YIPF2: variants seen among roughly 807,000 people sequenced by gnomAD.
The protein encoded by YIPF2 is Yip1 domain family member 2, also known as protein YIPF2.
In YIPF2, 30 loss-of-function variants were observed where a neutral mutation model predicts 38.8. The ratio of observed to expected loss-of-function variants is 0.77; its 90% CI spans 0.58 to 1.05. The LOEUF (loss-of-function observed/expected upper bound fraction) is 1.05. YIPF2 is among the 50% of genes least tolerant of loss of function. The pLI is 0.00. For synonymous variants in YIPF2, 194 were observed against 183.8 expected, an observed-to-expected ratio of 1.06 and a Z score of -0.45; for missense variants, 401 against 409.7, an observed-to-expected ratio of 0.98 and a Z score of 0.18.
At chr19:10,926,589 C>T (rs528579004) in intron 4 of YIPF2, among the ~76,000 whole-genome samples, 72 of 152,136 alleles carry the variant, frequency 4.7e-4, no homozygotes, top group Middle Eastern at 6.8e-3. Context: ...TGCAGTGGCA[C>T]GATCTTGGCT....
Position 10,925,753 on chromosome 19 carries a change from G to A in YIPF2, c.300C>T (p.Gly100=), listed in dbSNP as rs1323896919. The A allele has an allele frequency of 6.2e-7, 1 of 1,613,734 alleles. No homozygotes were observed. Among genetic ancestry groups the A allele is most frequent in the African/African-American group, 1.3e-5 (1 of 74,930 alleles). ...TGTGGCCAGGCCGGGGCAGCAGTGA[G>A]CCTTTGATCCGGTCCAGGACCTGGG... The part of the protein sequence containing the change: ...DTSQVLDRIK[G]SLLPRPGHNF... Residue 100 remains glycine (G), a synonymous_variant, in exon 5 of 10, where the codon GGC becomes GGT. Transcript: ENST00000586748.
At chr19:10,927,602 C>T in intron 4 of YIPF2, 28 bp downstream of exon 4, 2 of 1,611,108 alleles carry the variant, frequency 1.2e-6, no homozygotes, top group African/African-American at 1.3e-5. Context: ...AACTCTGAGC[C>T]CCATCCCACC....
Position 10,928,495 on chromosome 19 carries a change from C to T in YIPF2, c.-31+16G>A. On this transcript the variant is annotated intron_variant, in intron 1 of 9. Transcript: ENST00000586748. ...CCCCCCCGCCCCCGAGCCGGTCCCT[C>T]GGCCCCCAGCCCTACCTGGCGACCA... The T allele has an allele frequency of 7.4e-7, 1 of 1,344,468 alleles. No homozygotes were observed. Among genetic ancestry groups the T allele is most frequent in the Non-Finnish European group, 9.6e-7 (1 of 1,044,320 alleles). The allele number at this position is 1,344,468 out of a possible 1,614,324, so 83.3% of individuals were successfully genotyped here.
intron 4 of YIPF2, 95 bp from the exon 5 acceptor site, chr19:10,925,868 T>C (rs2083415165): frequency 4.3e-6 from 5 of 1,165,290 alleles, no homozygotes; most frequent in South Asian, 2.8e-5. Context: ...CCCTTCTCTT[T>C]CCATGCCCCA....
intron 2 of YIPF2, 89 bp from the exon 3 acceptor site, chr19:10,928,048 C>T: frequency 2.0e-6 from 3 of 1,520,436 alleles, no homozygotes; most frequent in Non-Finnish European, 2.7e-6. Flanking sequence ...CATCTGGGGG[C>T]GGAGGCTCTG....
chr19:10,924,990 A>G (rs1007596661), intron 5 of YIPF2, among the ~76,000 whole-genome samples: 5 of 151,938 alleles, frequency 3.3e-5, no homozygotes, highest in African/African-American at 1.2e-4. Context: ...TCCAGCACTT[A>G]GGAGGCCGAG....
Position 10,923,515 on chromosome 19 carries a change from G to A in YIPF2, c.814C>T (p.Leu272Phe). The change falls in exon 8 of 10, where the codon CTC (leucine) becomes TTC (phenylalanine). Residue 272 changes from leucine to phenylalanine, a missense_variant. Physicochemically the swap from Leu to Phe is conservative, Grantham distance 22 (BLOSUM62 0). Coordinates refer to ENST00000586748, the MANE Select transcript of YIPF2 (RefSeq NM_001321439.2). ...LLSVVVLLHA[L>F]LAMGCKLYFF... Reference sequence around the variant, plus strand: ...CGTACCTTACAGCCCATGGCCAGGAGGGCGTGGAGCAGCACGACCACGGAC... The same window carrying A: ...CGTACCTTACAGCCCATGGCCAGGAAGGCGTGGAGCAGCACGACCACGGAC... The A allele has an allele frequency of 1.2e-6, 2 of 1,612,658 alleles. No individual in the cohort carries two copies. The highest frequency in any genetic ancestry group is 1.7e-6 in the Non-Finnish European group (2 of 1,179,696).
At chr19:10,925,621 A>G in intron 5 of YIPF2, 65 bp downstream of exon 5, 1 of 1,586,646 alleles carries the variant, frequency 6.3e-7, no homozygotes, top group Non-Finnish European at 8.6e-7. Flanking sequence ...ATACACTGGC[A>G]TCTGCAACTC....
At chr19:10,924,363 A>G (rs2083385754) in intron 5 of YIPF2, among the ~76,000 whole-genome samples, 171 bp from the exon 6 acceptor site, 1 of 151,924 alleles carries the variant, frequency 6.6e-6, no homozygotes, top group South Asian at 2.1e-4. Flanking sequence ...CTGTCAGTTC[A>G]TCCCCCTCCC....
At position 10,923,391 on chromosome 19, in the gene YIPF2, G is replaced by T; in HGVS notation, c.851C>A (p.Ser284Ter). Reference protein sequence around the residue: ...AMGCKLYFFQSLPPENVAPPP... With the variant: ...AMGCKLYFFQ ...AGGAGCCACGTTCTCCGGAGGCAGC[G>T]ACTGGAAGAAGTACAACTGCACAAG... The change falls in exon 9 of 10, where the codon TCG becomes TAG. Residue 284 changes from serine to a stop codon, truncating the protein, a stop_gained. Transcript: ENST00000586748. LOFTEE classifies it high-confidence loss of function. The T allele has an allele frequency of 6.2e-7, 1 of 1,613,582 alleles. No homozygotes were observed. Among genetic ancestry groups the T allele is most frequent in the Non-Finnish European group, 8.5e-7 (1 of 1,179,760 alleles).
intron 4 of YIPF2, among the ~76,000 whole-genome samples, chr19:10,926,083 G>GT (rs1243960508): frequency 5.9e-5 from 9 of 151,418 alleles, no homozygotes; most frequent in Non-Finnish European, 1.2e-4. Context: ...GCTAATAGTT[G>GT]TATTTTTAAT....
chr19:10,926,712 A>G (rs2083431289), intron 4 of YIPF2, among the ~76,000 whole-genome samples: 1 of 151,622 alleles, frequency 6.6e-6, no homozygotes, highest in Admixed American at 6.6e-5. Context: ...TTTTTAGTAG[A>G]GATGGGGTTT....
chr19:10,927,590 A>G (rs1458916510), intron 4 of YIPF2, 40 bp downstream of exon 4: 2 of 1,607,420 alleles, frequency 1.2e-6, no homozygotes, highest in Middle Eastern at 1.7e-4. Context: ...AACCCTGAGC[A>G]TAACTCTGAG....
intron 3 of YIPF2, 37 bp from the exon 4 acceptor site, chr19:10,927,753 C>CCT: frequency 6.2e-7 from 1 of 1,611,100 alleles, no homozygotes; most frequent in Non-Finnish European, 8.5e-7. Flanking sequence ...GCCCGGAGAG[C>CCT]CTGGGTCAGC....
chr19:10,925,865 C>T, intron 4 of YIPF2, 92 bp from the exon 5 acceptor site: 1 of 1,092,528 alleles, frequency 9.2e-7, no homozygotes, highest in Non-Finnish European at 1.3e-6. Flanking sequence ...CCACCCTTCT[C>T]TTTCCATGCC....
At chr19:10,927,153 A>G (rs2083438221) in intron 4 of YIPF2, among the ~76,000 whole-genome samples, 1 of 152,100 alleles carries the variant, frequency 6.6e-6, no homozygotes, top group Non-Finnish European at 1.5e-5. Context: ...GATTACAGGC[A>G]TGAGCCACCC....
At position 10,923,919 on chromosome 19, in the gene YIPF2, C is replaced by G. The variant is rs1404921002; in HGVS notation, c.565G>C (p.Gly189Arg). 6.2e-7 allele frequency: 1 copy of G among 1,613,268 alleles called. No homozygotes were observed. Among genetic ancestry groups the G allele is most frequent in the Non-Finnish European group, 8.5e-7 (1 of 1,179,734 alleles). The change falls in exon 7 of 10, where the codon GGT (glycine) becomes CGT (arginine). Residue 189 changes from glycine to arginine, a missense_variant. Physicochemically the swap from Gly to Arg is moderately radical, Grantham distance 125. Transcript: ENST00000586748. ...TAGGGCCCCATGCGCTCCTGGACAC[C>G]CTTGCGCCACCGCAGGAAGCCCCAC... ...ALWGFLRWRK[G>R]VQERMGPYTF...
chr19:10,928,016 G>A, intron 2 of YIPF2, 57 bp from the exon 3 acceptor site: 1 of 1,566,710 alleles, frequency 6.4e-7, no homozygotes, highest in Non-Finnish European at 8.7e-7. Flanking sequence ...GAACTCGACT[G>A]GGCCCAAGCT....
rs913582016 is a variant in YIPF2 at position 10,922,630 on chromosome 19, A to G, written c.*564T>C. 5 of 151,862 alleles carry G rather than the reference A, an allele frequency of 3.3e-5. No individual in the cohort carries two copies. The highest frequency in any genetic ancestry group is 3.3e-4 in the Admixed American group (5 of 15,234). 9.4% of individuals were successfully genotyped at this position (151,862 alleles called of 1,614,324 possible). ...CGTTAGGCCTGAGTAGCTCCCCTCCATCCTTGTAGACGCTCCAGTCCCTAC... is the reference window on the plus strand; with the variant it reads ...CGTTAGGCCTGAGTAGCTCCCCTCCGTCCTTGTAGACGCTCCAGTCCCTAC... On this transcript the variant is annotated 3_prime_UTR_variant, in exon 10 of 10. Transcript: ENST00000586748.
Sources: gnomAD v4.1 joint callset for allele counts (sites outside exome capture counted in the v4.1 genomes callset) on GRCh38, gnomAD v4.1.1 for gene constraint, MANE v1.5 for transcripts, NCBI Gene and HGNC (gene_info 2026-07-23, HGNC 2026-07-21) for gene names.